The following TAOK3 variants were observed in gnomAD, a reference collection of about 807,000 sequenced individuals.
The protein encoded by TAOK3 is serine/threonine-protein kinase TAO3.
In TAOK3, 40 loss-of-function variants were observed where a neutral mutation model predicts 120.4. The ratio of observed to expected loss-of-function variants is 0.33; its 90% confidence interval spans 0.26 to 0.43. The LOEUF is 0.43. TAOK3 is among the 20% of genes least tolerant of loss of function. TAOK3 has a pLI of 1.00. For synonymous variants in TAOK3, 355 were observed against 387.5 expected, an observed-to-expected ratio of 0.92 and a Z score of 0.99; for missense variants, 821 against 1,112.1, an observed-to-expected ratio of 0.74 and a Z score of 3.72.
chr12:118,230,097 A>G (rs2039696421), intron 9 of TAOK3, among the ~76,000 whole-genome samples: 1 of 152,138 alleles, frequency 6.6e-6, no homozygotes, highest in Admixed American at 6.6e-5. Flanking sequence ...CTTCTTCTAA[A>G]TGTTTAAAGT....
At chr12:118,221,989 T>C (rs1342950160) in intron 9 of TAOK3, among the ~76,000 whole-genome samples, 1 of 150,938 alleles carries the variant, frequency 6.6e-6, no homozygotes, top group Non-Finnish European at 1.5e-5. Context: ...AACGTTGAGC[T>C]AGCTACATTA....
chr12:118,251,078 G>C (rs1265555726), intron 3 of TAOK3, among the ~76,000 whole-genome samples: 5 of 152,170 alleles, frequency 3.3e-5, no homozygotes, highest in Admixed American at 2.6e-4. Flanking sequence ...CTAAGAACGA[G>C]GGAGAGCCCC....
chr12:118,192,426 T>C (rs2037482573), intron 13 of TAOK3, among the ~76,000 whole-genome samples: 1 of 152,196 alleles, frequency 6.6e-6, no homozygotes, highest in Non-Finnish European at 1.5e-5. Flanking sequence ...TTATTCTTAG[T>C]TTTCCAGATC....
At chr12:118,360,526 C>G (rs968899839) in intron 1 of TAOK3, among the ~76,000 whole-genome samples, 5 of 148,964 alleles carry the variant, frequency 3.4e-5, no homozygotes, top group African/African-American at 1.2e-4. Context: ...CAAGATCGCG[C>G]CACTGGACTC....
chr12:118,336,413 C>T (rs1204324597), intron 1 of TAOK3, among the ~76,000 whole-genome samples: 1 of 151,988 alleles, frequency 6.6e-6, no homozygotes, highest in African/African-American at 2.4e-5. Flanking sequence ...AAAAAATAAA[C>T]CATGACCTAA....
At position 118,177,192 on chromosome 12, in the gene TAOK3, T is replaced by C. The variant is rs752029367; in HGVS notation, c.1695+9A>G. The stretch of plus-strand genomic sequence containing the variant: ...GCAACTTGGTGAGAACAAACATTGG[T>C]ATCCTTACCTCTTTTATTTTTTCCT... On this transcript the variant is annotated intron_variant, in intron 16 of 20. Transcript: ENST00000392533. 4 of 1,612,194 alleles carry C rather than the reference T, an allele frequency of 2.5e-6. No individual in the cohort carries two copies. The highest frequency in any genetic ancestry group is 3.4e-6 in the Non-Finnish European group (4 of 1,179,184).
intron 1 of TAOK3, among the ~76,000 whole-genome samples, chr12:118,303,526 T>G (rs1593470551): frequency 6.6e-6 from 1 of 152,256 alleles, no homozygotes; most frequent in Non-Finnish European, 1.5e-5. Context: ...TGCACTGTTT[T>G]CGCCATGTTA....
At chr12:118,209,688 T>A (rs2038520683) in intron 11 of TAOK3, among the ~76,000 whole-genome samples, 1 of 151,250 alleles carries the variant, frequency 6.6e-6, no homozygotes, top group Non-Finnish European at 1.5e-5. Flanking sequence ...TGTGAGCCAT[T>A]GCACCCGGCT....
intron 1 of TAOK3, among the ~76,000 whole-genome samples, chr12:118,298,587 T>C (rs1250247367): frequency 6.6e-6 from 1 of 152,116 alleles, no homozygotes; most frequent in Non-Finnish European, 1.5e-5. Flanking sequence ...GCATTATATA[T>C]AGGTTCAAAA....
intron 1 of TAOK3, among the ~76,000 whole-genome samples, chr12:118,307,430 C>T (rs917046716): frequency 2.6e-5 from 4 of 152,186 alleles, no homozygotes; most frequent in African/African-American, 9.7e-5. Context: ...CCCACCCTCA[C>T]ATCTTCTCCT....
chr12:118,219,658 C>T (rs906232135), intron 9 of TAOK3, among the ~76,000 whole-genome samples: 2 of 151,690 alleles, frequency 1.3e-5, no homozygotes, highest in African/African-American at 4.8e-5. Context: ...GGAGGGAGTG[C>T]ATCTCAGCTC....
At chr12:118,249,327 C>T (rs2040648603) in intron 3 of TAOK3, among the ~76,000 whole-genome samples, 1 of 151,996 alleles carries the variant, frequency 6.6e-6, no homozygotes, top group South Asian at 2.1e-4. Flanking sequence ...TTTGGGAGGC[C>T]AACGTGGGTG....
Position 118,364,297 on chromosome 12 carries a change from C to T in TAOK3, c.-194+8351G>A, listed in dbSNP as rs534814937. On this transcript the variant is annotated intron_variant, in intron 1 of 20. Coordinates refer to ENST00000392533, the MANE Select transcript of TAOK3 (RefSeq NM_016281.4). ...ACAGTGTATCTAGGAAGAATGAAAA[C>T]GAAAAGGAGACTGGAAAATTGTCAT... is the stretch of plus-strand genomic sequence containing the variant. 2.6e-5 allele frequency among the ~76,000 whole-genome samples: 4 copies of T among 152,064 alleles called. No individual in the cohort carries two copies. The South Asian group carries it at 6.2e-4, about 24-fold the overall frequency.
intron 14 of TAOK3, among the ~76,000 whole-genome samples, chr12:118,181,911 A>G (rs1266032077): frequency 1.3e-5 from 2 of 152,220 alleles, no homozygotes; most frequent in African/African-American, 4.8e-5. Flanking sequence ...CAGGCCGGGC[A>G]CGATGGCTTA....
intron 9 of TAOK3, among the ~76,000 whole-genome samples, chr12:118,231,446 T>C (rs910162464): frequency 6.6e-6 from 1 of 151,972 alleles, no homozygotes; most frequent in Non-Finnish European, 1.5e-5. Flanking sequence ...TCATATGTTG[T>C]TTTGTCGGAA....
At chr12:118,235,831 T>G in intron 7 of TAOK3, 160 bp from the exon 8 acceptor site, 1 of 558,026 alleles carries the variant, frequency 1.8e-6, no homozygotes. Flanking sequence ...TAGTAATTAC[T>G]GCATGTTGTA....
chr12:118,154,306 C>T (rs144773715), intron 19 of TAOK3, among the ~76,000 whole-genome samples: 22 of 152,264 alleles, frequency 1.4e-4, no homozygotes, highest in African/African-American at 4.3e-4. Context: ...GTTTCTGGCA[C>T]GCTATTATTA....
chr12:118,179,891 C>T (rs2036592690), intron 15 of TAOK3, among the ~76,000 whole-genome samples: 1 of 150,776 alleles, frequency 6.6e-6, no homozygotes, highest in Non-Finnish European at 1.5e-5. Context: ...AGTGATCCAC[C>T]CACCTCAGCC....
chr12:118,335,875 A>G (rs2044348805), intron 1 of TAOK3, among the ~76,000 whole-genome samples: 1 of 152,198 alleles, frequency 6.6e-6, no homozygotes, highest in African/African-American at 2.4e-5. Context: ...AAGCAAAATA[A>G]AATGCTTAGA....
Sources: gnomAD v4.1 joint callset for allele counts (sites outside exome capture counted in the v4.1 genomes callset) on GRCh38, gnomAD v4.1.1 for gene constraint, MANE v1.5 for transcripts, NCBI Gene and HGNC (gene_info 2026-07-23, HGNC 2026-07-21) for gene names.